The following BMP1 variants were observed in gnomAD, a reference collection of about 807,000 sequenced individuals.
The protein encoded by BMP1 is mammalian tolloid protein.
A neutral mutation model predicts 116.8 loss-of-function variants in BMP1; 63 were observed. The observed-to-expected ratio is 0.54, with a 90% CI of 0.44 to 0.67. The LOEUF (loss-of-function observed/expected upper bound fraction) is 0.67. BMP1 is among the 30% of genes least tolerant of loss of function. BMP1 has a pLI of 0.00. For missense variants in BMP1, 1,183 were observed against 1,358.9 expected (o/e 0.87, Z 2.04); for synonymous variants, 536 against 533.4 (o/e 1.00, Z -0.07).
At chr8:22,207,275 A>T in intron 17 of BMP1, 28 bp from the exon 18 acceptor site, 1 of 1,595,088 alleles carries the variant, frequency 6.3e-7, no homozygotes, top group Non-Finnish European at 8.6e-7. Flanking sequence ...CCAAATTTTT[A>T]ATCTGTGCTC....
At chr8:22,211,243 T>C (rs545585803) in intron 19 of BMP1, among the ~76,000 whole-genome samples, 1 of 152,334 alleles carries the variant, frequency 6.6e-6, no homozygotes, top group East Asian at 1.9e-4. Context: ...TGCAGTCCTT[T>C]GTTTTTCCCC....
chr8:22,206,009 C>G (rs1297197742), intron 16 of BMP1, among the ~76,000 whole-genome samples: 1 of 152,144 alleles, frequency 6.6e-6, no homozygotes, highest in Non-Finnish European at 1.5e-5. Context: ...AGAACTGAGT[C>G]AGGTGTCAAA....
chr8:22,201,742 G>A (rs1586469643), intron 15 of BMP1, 61 bp from the exon 16 acceptor site: 2 of 1,601,016 alleles, frequency 1.2e-6, no homozygotes, highest in African/African-American at 2.7e-5. Context: ...CACTTCCCCT[G>A]GGGCATCCCA....
intron 15 of BMP1, among the ~76,000 whole-genome samples, chr8:22,198,245 G>A (rs903403688): frequency 6.6e-6 from 1 of 152,206 alleles, no homozygotes; most frequent in Non-Finnish European, 1.5e-5. Context: ...CTGAACCGGT[G>A]GGCGGGAACT....
intron 9 of BMP1, among the ~76,000 whole-genome samples, chr8:22,192,946 C>T (rs1371543374): frequency 6.6e-6 from 1 of 152,174 alleles, no homozygotes; most frequent in Non-Finnish European, 1.5e-5. Flanking sequence ...CTCTATTTTC[C>T]CCCCAGTTTC....
At chr8:22,165,711 T>G (rs1828076040) in intron 1 of BMP1, among the ~76,000 whole-genome samples, 158 bp downstream of exon 1, 2 of 148,960 alleles carry the variant, frequency 1.3e-5, no homozygotes, top group Non-Finnish European at 3.0e-5. Context: ...GGGAGGGGGA[T>G]TTGGGGGACT....
intron 18 of BMP1, among the ~76,000 whole-genome samples, chr8:22,208,005 T>C (rs1182671962): frequency 1.3e-5 from 2 of 152,124 alleles, no homozygotes; most frequent in African/African-American, 4.8e-5. Flanking sequence ...TGCCTCAGCC[T>C]CCCGTGTAGC....
intron 2 of BMP1, among the ~76,000 whole-genome samples, chr8:22,173,974 T>G (rs965498392): frequency 2.0e-5 from 3 of 152,258 alleles, no homozygotes; most frequent in African/African-American, 7.2e-5. Flanking sequence ...TTGTCTAGCC[T>G]GACTGTCCCC....
intron 9 of BMP1, among the ~76,000 whole-genome samples, chr8:22,192,639 T>C (rs1828967111): frequency 6.6e-6 from 1 of 152,198 alleles, no homozygotes; most frequent in African/African-American, 2.4e-5. Context: ...GGCTGCACAC[T>C]GGGCGCCGTG....
Position 22,194,090 on chromosome 8 carries a change from A to G in BMP1, c.1213A>G (p.Ile405Val). The change falls in exon 10 of 20, where the codon ATC (isoleucine) becomes GTC (valine). Residue 405 changes from isoleucine to valine, a missense_variant. By Grantham distance (29) the Ile-to-Val change is conservative. Transcript: ENST00000306385. This position sits in a 1 kb window ranked among gnomAD's most constrained non-coding sequence, Gnocchi z 4.5. ...RFCGSKLPEP[I>V]VSTDSRLWVE... ...CTGCGGGTCCAAACTCCCTGAGCCT[A>G]TCGTCTCCACTGACAGCCGCCTCTG... 1.2e-6 allele frequency: 2 copies of G among 1,614,202 alleles called. No individual in the cohort carries two copies. The highest frequency in any genetic ancestry group is 1.7e-6 in the Non-Finnish European group (2 of 1,180,044).
At chr8:22,175,994 C>T in intron 2 of BMP1, 149 bp from the exon 3 acceptor site, 1 of 818,702 alleles carries the variant, frequency 1.2e-6, no homozygotes, top group Non-Finnish European at 1.9e-6. Flanking sequence ...CGTGAAAGCC[C>T]TGAGAGTATT....
intron 1 of BMP1, among the ~76,000 whole-genome samples, chr8:22,166,223 C>T (rs1828103677): frequency 6.6e-6 from 1 of 151,846 alleles, no homozygotes; most frequent in Non-Finnish European, 1.5e-5. Context: ...TAACTTTGTC[C>T]CTATGTGCCC....
chr8:22,200,879 C>T (rs1254591581), intron 15 of BMP1, among the ~76,000 whole-genome samples: 1 of 152,152 alleles, frequency 6.6e-6, no homozygotes, highest in Non-Finnish European at 1.5e-5. Context: ...CTTCTCCTGC[C>T]ACAGGCTCTG....
intron 15 of BMP1, among the ~76,000 whole-genome samples, chr8:22,199,759 CCCA>C (rs950153817): frequency 6.6e-6 from 1 of 152,156 alleles, no homozygotes; most frequent in Non-Finnish European, 1.5e-5. Flanking sequence ...GCCCTTCACC[CCCA>C]CATTTTCTGC....
Position 22,177,157 on chromosome 8 carries a change from G to C in BMP1, c.730+18G>C. 1.3e-6 allele frequency: 2 copies of C among 1,579,298 alleles called. No individual in the cohort carries two copies. Among genetic ancestry groups the C allele is most frequent in the African/African-American group, 1.3e-5 (1 of 74,210 alleles). On this transcript the variant is annotated intron_variant, in intron 5 of 19. Coordinates refer to ENST00000306385, the MANE Select transcript of BMP1 (RefSeq NM_006129.5). ...CCAGCCAGGTAGGTACCTGCCCCTC[G>C]GTGCGGCCTTGGTGGGCGGCTCCCG...
intron 16 of BMP1, among the ~76,000 whole-genome samples, 170 bp downstream of exon 16, chr8:22,202,098 G>A (rs1047184780): frequency 2.0e-5 from 3 of 152,314 alleles, no homozygotes; most frequent in East Asian, 1.9e-4. Context: ...CCGCAGTGTC[G>A]GAGCCACACG....
Position 22,194,393 on chromosome 8 carries a change from G to A in BMP1, c.1298-52G>A. ...GTGGGGAAAAGAGCTCCCTAGCAGG[G>A]CAAAGCATGCTGACTCACCACCCCT... On this transcript the variant is annotated intron_variant, in intron 10 of 19. Transcript: ENST00000306385. This position sits in a 1 kb window ranked among gnomAD's most constrained non-coding sequence, Gnocchi z 4.5. 1.9e-6 allele frequency: 3 copies of A among 1,606,818 alleles called. No individual in the cohort carries two copies. Among genetic ancestry groups the A allele is most frequent in the Admixed American group, 1.7e-5 (1 of 59,738 alleles).
At position 22,176,553 on chromosome 8, in the gene BMP1, C is replaced by T. The variant is rs756107073; in HGVS notation, c.454C>T (p.Arg152Trp). The change falls in exon 4 of 20, where the codon CGG (arginine) becomes TGG (tryptophan). Residue 152 changes from arginine (R) to tryptophan (W), a missense_variant. Arg to Trp is a moderately radical substitution (Grantham distance 101). Around this residue, in one of 4 missense-constraint regions of BMP1, gnomAD observed 40 missense variants for 47.5 expected, o/e 0.84. Transcript: ENST00000306385. ...GGCAGGTAGCCAGAGGGCAGTCTTC[C>T]GGCAGGCCATGAGGCACTGGGAGAA... ...NFTGSQRAVFRQAMRHWEKHT... is the reference protein window; with the variant it reads ...NFTGSQRAVFWQAMRHWEKHT... The T allele has an allele frequency of 4.3e-6, 7 of 1,614,066 alleles. No homozygotes were observed. Among genetic ancestry groups the T allele is most frequent in the Middle Eastern group, 3.3e-4 (2 of 6,084 alleles).
At position 22,186,479 on chromosome 8, in the gene BMP1, T is replaced by TA. The variant is rs1041480471; in HGVS notation, c.1078-5570_1078-5569insA. ...GTTTCCCCGTCTATCTATATATATA[T>TA]TTTTTTGAGATGGAGTCTCACTCTG... On this transcript the variant is annotated intron_variant, in intron 8 of 19. Transcript: ENST00000306385. 5.9e-5 allele frequency among the ~76,000 whole-genome samples: 9 copies of TA among 152,260 alleles called. No individual in the cohort carries two copies. The South Asian group carries it at 1.2e-3, about 21-fold the overall frequency.
Sources: allele counts gnomAD v4.1 joint callset (sites outside exome capture counted in the v4.1 genomes callset), GRCh38; gene constraint gnomAD v4.1.1; regional missense constraint gnomAD v4.1.1; non-coding constraint Gnocchi (gnomAD v3.1); transcripts MANE v1.5; gene names NCBI Gene and HGNC (gene_info 2026-07-23, HGNC 2026-07-21).